CRADD: variants seen among roughly 807,000 people sequenced by gnomAD.
CRADD encodes death domain-containing protein CRADD.
A neutral mutation model predicts 15.5 loss-of-function variants in CRADD; 9 were observed. The ratio of observed to expected loss-of-function variants is 0.58; its 90% CI spans 0.35 to 1.01. The LOEUF (loss-of-function observed/expected upper bound fraction) is 1.01, where lower values mean the gene tolerates loss of function less well. CRADD is among the 50% of genes least tolerant of loss of function. The probability of loss-of-function intolerance (pLI) is 0.02; values close to 1 mark genes in which losing one functional copy is unlikely to be tolerated. For synonymous variants in CRADD, 118 were observed against 107.6 expected, an observed-to-expected ratio of 1.10 and a Z score of -0.60; for missense variants, 227 against 250.3, an observed-to-expected ratio of 0.91 and a Z score of 0.63.
intron 2 of CRADD, among the ~76,000 whole-genome samples, chr12:93,697,744 A>G (rs1462402715): frequency 6.6e-6 from 1 of 152,216 alleles, no homozygotes; most frequent in Non-Finnish European, 1.5e-5. Context: ...ACCAAAGGAC[A>G]GATAAACAAG....
intron 2 of CRADD, among the ~76,000 whole-genome samples, chr12:93,713,063 CG>C (rs150691431): frequency 1.6e-3 from 244 of 151,972 alleles, no homozygotes; most frequent in African/African-American, 5.0e-3. Flanking sequence ...TTTTGAAGAT[CG>C]TTTTTTTTTA....
downstream of CRADD, among the ~76,000 whole-genome samples, chr12:93,854,309 G>A (rs146711768): frequency 1.9e-4 from 29 of 152,304 alleles, no homozygotes; most frequent in East Asian, 5.8e-4. Context: ...GCAATGGGTC[G>A]TTTGTGTCTA....
chr12:93,811,555 T>C (rs1593010137), intron 2 of CRADD, among the ~76,000 whole-genome samples: 1 of 152,226 alleles, frequency 6.6e-6, no homozygotes, highest in African/African-American at 2.4e-5. Flanking sequence ...CAAATTTGAA[T>C]CTCAGCATTA....
At chr12:93,825,594 A>G (rs1035581788) in intron 2 of CRADD, among the ~76,000 whole-genome samples, 1 of 152,204 alleles carries the variant, frequency 6.6e-6, no homozygotes, top group African/African-American at 2.4e-5. Context: ...CATATTTGTC[A>G]TACAGCGGAG....
intron 2 of CRADD, among the ~76,000 whole-genome samples, chr12:93,848,102 G>A (rs1055000872): frequency 6.6e-6 from 1 of 151,888 alleles, no homozygotes; most frequent in Admixed American, 6.6e-5. Context: ...ACACAATAGC[G>A]GGATATTGGA....
At chr12:93,847,763 G>A (rs541252973) in intron 2 of CRADD, among the ~76,000 whole-genome samples, 88 of 152,302 alleles carry the variant, frequency 5.8e-4, no homozygotes, top group Non-Finnish European at 1.2e-3. Flanking sequence ...AAAAAATCAA[G>A]TGTGAGGAAG....
chr12:93,806,451 CAAAA>C (rs59372325), intron 2 of CRADD, among the ~76,000 whole-genome samples: 1,190 of 59,184 alleles, frequency 0.02, 4 homozygotes, highest in Middle Eastern at 0.062. Context: ...GACTCCATCT[CAAAA>C]AAAAAAAAAA....
chr12:93,820,819 C>T lies in CRADD; in HGVS notation c.299-29151C>T, dbSNP rs77757167. ...CCATGCCCAGTCCCTCTTGGTTTCC[C>T]GTTGCCCCTGAGCTCCAGATCAAAT... On this transcript the variant is annotated intron_variant, in intron 2 of 2. Transcript: ENST00000332896. Among the ~76,000 whole-genome samples the T allele has an allele frequency of 8.9e-3, 1,360 of 152,330 alleles. 24 individuals carry two copies. The highest frequency in any genetic ancestry group is 0.029 in the African/African-American group (1,204 of 41,580).
intron 2 of CRADD, chr12:93,790,839 T>TA (rs1212695873): frequency 6.6e-6 from 1 of 151,738 alleles, no homozygotes; most frequent in African/African-American, 2.4e-5. Flanking sequence ...ATCATCTACT[T>TA]AAAAAAATCA....
At chr12:93,682,466 C>T (rs899122862) in intron 2 of CRADD, among the ~76,000 whole-genome samples, 1 of 152,136 alleles carries the variant, frequency 6.6e-6, no homozygotes, top group Non-Finnish European at 1.5e-5. Flanking sequence ...TTAGCCAAGA[C>T]GTTGATCCTT....
intron 2 of CRADD, among the ~76,000 whole-genome samples, chr12:93,871,835 G>A (rs1472120299): frequency 1.3e-5 from 2 of 152,128 alleles, no homozygotes; most frequent in African/African-American, 4.8e-5. Context: ...AAGTTGCTTA[G>A]AAATCTTAGC....
At chr12:93,825,540 G>A (rs1957814236) in intron 2 of CRADD, among the ~76,000 whole-genome samples, 1 of 152,202 alleles carries the variant, frequency 6.6e-6, no homozygotes, top group Admixed American at 6.5e-5. Flanking sequence ...AACTGGAAGG[G>A]GCTGTGTTGG....
At chr12:93,864,760 G>A (rs1466055660) in intron 2 of CRADD, among the ~76,000 whole-genome samples, 1 of 152,304 alleles carries the variant, frequency 6.6e-6, no homozygotes, top group South Asian at 2.1e-4. Context: ...TCAGTACGGG[G>A]AAAGTGATGG....
chr12:93,885,024 G>T (rs1239663295), intron 2 of CRADD, among the ~76,000 whole-genome samples: 1 of 152,160 alleles, frequency 6.6e-6, no homozygotes, highest in Non-Finnish European at 1.5e-5. Context: ...GGGCAGGGGT[G>T]CTAGGAAGAG....
chr12:93,737,905 T>C, intron 2 of CRADD: 1 of 207,464 alleles, frequency 4.8e-6, no homozygotes, highest in Non-Finnish European at 9.5e-6. Flanking sequence ...TTTGGGCAGC[T>C]GGAACCTGCC....
rs1958398217 is a variant in CRADD, at chr12:93,869,290, TA to T, written c.299-24759del. On this transcript the variant is annotated intron_variant, in intron 2 of 2. Coordinates refer to the CRADD transcript ENST00000548483. ...ATCCACAAGAAATTTACCTGCCTACTAGAACAAAACCAAATACTCATCTGAT... is the reference window on the plus strand; with the variant it reads ...ATCCACAAGAAATTTACCTGCCTACTGAACAAAACCAAATACTCATCTGAT... Among the ~76,000 whole-genome samples, 3 of 152,128 alleles carry T rather than the reference TA, an allele frequency of 2.0e-5. No individual in the cohort carries two copies. The South Asian group carries it at 6.2e-4, about 32-fold the overall frequency.
chr12:93,862,803 A>G (rs956787573), intron 2 of CRADD, among the ~76,000 whole-genome samples: 1 of 152,230 alleles, frequency 6.6e-6, no homozygotes. Context: ...ACCTATTAAC[A>G]TCTTTGGAAA....
At chr12:93,892,806 C>T (rs1958585776) in intron 2 of CRADD, among the ~76,000 whole-genome samples, 1 of 152,178 alleles carries the variant, frequency 6.6e-6, no homozygotes, top group Non-Finnish European at 1.5e-5. Context: ...CCCCCTCCAG[C>T]CCTGTTGGCC....
chr12:93,751,788 C>A (rs1269800996), intron 2 of CRADD, among the ~76,000 whole-genome samples: 1 of 152,198 alleles, frequency 6.6e-6, no homozygotes, highest in African/African-American at 2.4e-5. Context: ...CACTTGAACC[C>A]AGGAGAAGGC....
Sources: gnomAD v4.1 joint callset for allele counts (sites outside exome capture counted in the v4.1 genomes callset) on GRCh38, gnomAD v4.1.1 for gene constraint, MANE v1.5 for transcripts, NCBI Gene and HGNC (gene_info 2026-07-23, HGNC 2026-07-21) for gene names.